CAPN13: variants seen among roughly 807,000 people sequenced by gnomAD.
CAPN13 encodes the protein calpain-13.
Under a neutral mutation model 98.4 loss-of-function variants are expected in CAPN13, and 90 were observed. That is an observed-to-expected ratio of 0.92 (90% CI 0.77 to 1.09). CAPN13 has a LOEUF of 1.09. Ranked by LOEUF, CAPN13 falls within the 50% of genes least tolerant of loss-of-function variation. CAPN13 has a pLI of 0.00. For missense variants in CAPN13, 887 were observed against 841.3 expected, an observed-to-expected ratio of 1.05 and a Z score of -0.67; for synonymous variants, 330 against 305.5, an observed-to-expected ratio of 1.08 and a Z score of -0.84.
intron 5 of CAPN13, 82 bp from the exon 6 acceptor site, chr2:30,764,388 C>G (rs1027537800): frequency 6.7e-7 from 1 of 1,483,080 alleles, no homozygotes; most frequent in East Asian, 2.3e-5. Context: ...GATCCTCTGC[C>G]TATTTCCCAG....
chr2:30,786,852 C>A (rs189998553), intron 2 of CAPN13, among the ~76,000 whole-genome samples: 1 of 152,116 alleles, frequency 6.6e-6, no homozygotes, highest in Non-Finnish European at 1.5e-5. Flanking sequence ...TCTTCATACC[C>A]GTGGTTTCCC....
intron 11 of CAPN13, chr2:30,746,447 A>T (rs1034981927): frequency 1.3e-5 from 2 of 154,464 alleles, no homozygotes; most frequent in Non-Finnish European, 2.9e-5. Flanking sequence ...AACGTTACTT[A>T]TATCTGTGAT....
intron 1 of CAPN13, among the ~76,000 whole-genome samples, chr2:30,796,820 C>A (rs1416229451): frequency 2.0e-5 from 3 of 152,188 alleles, no homozygotes; most frequent in Non-Finnish European, 4.4e-5. Flanking sequence ...ATTTGGCAGG[C>A]TCTGACCAGA....
intron 22 of CAPN13, among the ~76,000 whole-genome samples, chr2:30,729,116 A>G (rs1016918990): frequency 2.0e-5 from 3 of 152,230 alleles, no homozygotes; most frequent in African/African-American, 7.2e-5. Flanking sequence ...ATGAGGAAGA[A>G]GTGGGGAGAT....
intron 1 of CAPN13, among the ~76,000 whole-genome samples, chr2:30,805,592 T>G (rs780504046): frequency 1.3e-5 from 2 of 151,982 alleles, no homozygotes; most frequent in Non-Finnish European, 2.9e-5. Context: ...TCACTGATCT[T>G]TTGGGGTAGA....
At chr2:30,746,440 G>C (rs904616487) in intron 11 of CAPN13, 2 of 154,216 alleles carry the variant, frequency 1.3e-5, no homozygotes, top group Admixed American at 1.3e-4. Context: ...TTTTACAAAC[G>C]TTACTTATAT....
intron 19 of CAPN13, among the ~76,000 whole-genome samples, chr2:30,733,924 G>A (rs558479414): frequency 2.5e-4 from 38 of 152,300 alleles, no homozygotes; most frequent in Admixed American, 7.2e-4. Flanking sequence ...AGGAGATGAC[G>A]CGAACAGAAG....
chr2:30,790,466 A>G (rs975778886), intron 1 of CAPN13, among the ~76,000 whole-genome samples: 6 of 152,218 alleles, frequency 3.9e-5, no homozygotes, highest in Admixed American at 2.6e-4. Flanking sequence ...ATTGATATAA[A>G]GTTCTTCATG....
At chr2:30,754,567 G>A (rs1672346426) in intron 8 of CAPN13, among the ~76,000 whole-genome samples, 1 of 152,130 alleles carries the variant, frequency 6.6e-6, no homozygotes, top group South Asian at 2.1e-4. Context: ...CTTCTTTCCT[G>A]AAGTCCAGAT....
chr2:30,725,522 T>C (rs1238129857), intron 22 of CAPN13, among the ~76,000 whole-genome samples: 1 of 152,190 alleles, frequency 6.6e-6, no homozygotes, highest in Non-Finnish European at 1.5e-5. Context: ...CACAGTTTTG[T>C]AGGGAGTGAC....
At chr2:30,747,478 A>G (rs1472933544) in intron 11 of CAPN13, among the ~76,000 whole-genome samples, 1 of 152,210 alleles carries the variant, frequency 6.6e-6, no homozygotes, top group African/African-American at 2.4e-5. Flanking sequence ...AGGAAGGTGG[A>G]AAGTCCAGGC....
chr2:30,775,520 C>A (rs1297949164), intron 4 of CAPN13, among the ~76,000 whole-genome samples: 1 of 151,708 alleles, frequency 6.6e-6, no homozygotes, highest in African/African-American at 2.4e-5. Flanking sequence ...AATAAATGTG[C>A]AAGAATTACC....
At chr2:30,754,945 T>C (rs572192938) in intron 8 of CAPN13, among the ~76,000 whole-genome samples, 253 of 152,324 alleles carry the variant, frequency 1.7e-3, no homozygotes, top group African/African-American at 5.7e-3. Flanking sequence ...GATTATATTA[T>C]TTCCCTACTT....
chr2:30,761,122 G>C (rs1044083368), intron 7 of CAPN13, among the ~76,000 whole-genome samples: 1 of 152,226 alleles, frequency 6.6e-6, no homozygotes, highest in Non-Finnish European at 1.5e-5. Flanking sequence ...AATCTCCAAG[G>C]AGGGGATATA....
At chr2:30,751,949 C>T (rs1408458679) in intron 10 of CAPN13, among the ~76,000 whole-genome samples, 2 of 152,196 alleles carry the variant, frequency 1.3e-5, no homozygotes, top group Non-Finnish European at 2.9e-5. Context: ...TCCATTGTAA[C>T]GTATTACTAA....
intron 2 of CAPN13, among the ~76,000 whole-genome samples, chr2:30,782,423 C>A (rs1260721988): frequency 6.6e-6 from 1 of 152,210 alleles, no homozygotes; most frequent in Non-Finnish European, 1.5e-5. Flanking sequence ...CTGAATGACA[C>A]TTGGCTGTTT....
intron 4 of CAPN13, among the ~76,000 whole-genome samples, chr2:30,773,572 A>G (rs1673521957): frequency 6.6e-6 from 1 of 152,350 alleles, no homozygotes; most frequent in Admixed American, 6.5e-5. Flanking sequence ...TAGGAATATC[A>G]GGTAAAGAGG....
chr2:30,775,938 G>T lies in CAPN13; in HGVS notation c.379C>A (p.Arg127Ser). 1 of 1,607,298 alleles carries T rather than the reference G, an allele frequency of 6.2e-7. No homozygotes were observed. The highest frequency in any genetic ancestry group is 1.3e-5 in the African/African-American group (1 of 74,792). The change falls in exon 4 of 23, where the codon CGT becomes AGT. Residue 127 changes from arginine (R) to serine (S), a missense_variant. Arg to Ser is a moderately radical substitution (Grantham distance 110, BLOSUM62 -1). Transcript: ENST00000295055. The stretch of plus-strand genomic sequence containing the variant: ...TGCAAGGGCACACGTACCCGGAAAC[G>T]GAAAATGCCAGCATACTGGTGTGAA... Reference protein sequence around the residue: ...SFSHQYAGIFRFRFWQCGQWV... With the variant: ...SFSHQYAGIFSFRFWQCGQWV...
intron 22 of CAPN13, among the ~76,000 whole-genome samples, chr2:30,724,497 G>T (rs1188223536): frequency 1.3e-5 from 2 of 152,162 alleles, no homozygotes; most frequent in African/African-American, 4.8e-5. Flanking sequence ...GGACTTCCCT[G>T]TCTCTGTCTA....
Sources: allele counts gnomAD v4.1 joint callset (sites outside exome capture counted in the v4.1 genomes callset), GRCh38; gene constraint gnomAD v4.1.1; transcripts MANE v1.5; gene names NCBI Gene and HGNC (gene_info 2026-07-23, HGNC 2026-07-21).